The following NALCN variants were observed in gnomAD, a reference collection of about 807,000 sequenced individuals.
NALCN encodes the protein sodium leak channel, non-selective.
NALCN carries 111 observed loss-of-function variants against 225.3 expected under a neutral mutation model. The ratio of observed to expected loss-of-function variants is 0.49; its 90% CI spans 0.42 to 0.58. NALCN has a LOEUF of 0.58. Ranked by LOEUF, NALCN falls within the 20% of genes least tolerant of loss-of-function variation. NALCN has a pLI of 0.00. For synonymous variants in NALCN, 764 were observed against 769.0 expected, an observed-to-expected ratio of 0.99 and a Z score of 0.11; for missense variants, 1,378 against 2,202.4, an observed-to-expected ratio of 0.63 and a Z score of 7.49.
intron 18 of NALCN, among the ~76,000 whole-genome samples, chr13:101,120,706 G>T (rs899014951): frequency 6.6e-6 from 1 of 152,160 alleles, no homozygotes; most frequent in Non-Finnish European, 1.5e-5. Flanking sequence ...AATGAAAATA[G>T]AAGGGCAAAC....
At chr13:101,283,821 A>G (rs1292940701) in intron 10 of NALCN, 112 bp downstream of exon 10, 1 of 906,552 alleles carries the variant, frequency 1.1e-6, no homozygotes, top group African/African-American at 1.7e-5. Context: ...CTCTAACTTC[A>G]GGATTTTAAA....
intron 39 of NALCN, 85 bp downstream of exon 39, chr13:101,067,833 G>A: frequency 1.1e-6 from 1 of 928,286 alleles, no homozygotes; most frequent in Non-Finnish European, 1.7e-6. Flanking sequence ...TGTGTCATTT[G>A]CCAACCTGAA....
At chr13:101,102,918 A>G (rs1414921820) in intron 26 of NALCN, among the ~76,000 whole-genome samples, 3 of 152,190 alleles carry the variant, frequency 2.0e-5, no homozygotes, top group Admixed American at 1.3e-4. Context: ...GTTAGTACCG[A>G]AAGAGTCAGC....
chr13:101,169,754 T>C (rs2038626436), intron 15 of NALCN, among the ~76,000 whole-genome samples: 1 of 152,238 alleles, frequency 6.6e-6, no homozygotes, highest in Non-Finnish European at 1.5e-5. Flanking sequence ...TGTGTGGACT[T>C]GGGTGAGAAA....
chr13:101,386,178 T>C (rs1159317322), intron 3 of NALCN, among the ~76,000 whole-genome samples: 1 of 152,226 alleles, frequency 6.6e-6, no homozygotes. Context: ...GGTTGACTTG[T>C]ATAGGTATTA....
chr13:101,372,857 AG>A (rs1939218131), intron 6 of NALCN, among the ~76,000 whole-genome samples: 1 of 152,152 alleles, frequency 6.6e-6, no homozygotes. Context: ...CATGAAAAAC[AG>A]ACTAACAATA....
intron 9 of NALCN, among the ~76,000 whole-genome samples, chr13:101,287,628 T>C (rs2043388331): frequency 6.6e-6 from 1 of 152,206 alleles, no homozygotes; most frequent in Non-Finnish European, 1.5e-5. Context: ...TGTAAGAAGA[T>C]GTTCTGAATT....
intron 10 of NALCN, among the ~76,000 whole-genome samples, chr13:101,272,142 G>C (rs532007715): frequency 2.4e-4 from 37 of 152,072 alleles, no homozygotes; most frequent in Non-Finnish European, 4.7e-4. Context: ...GTGTGTGTGC[G>C]TGTGAGCATG....
At chr13:101,169,000 G>A (rs1006365172) in intron 15 of NALCN, among the ~76,000 whole-genome samples, 3 of 152,102 alleles carry the variant, frequency 2.0e-5, no homozygotes, top group Admixed American at 2.0e-4. Context: ...GTCTGCACCT[G>A]CTTGTGAGAA....
chr13:101,239,907 C>G (rs2041696810), intron 11 of NALCN, among the ~76,000 whole-genome samples: 1 of 152,024 alleles, frequency 6.6e-6, no homozygotes, highest in African/African-American at 2.4e-5. Flanking sequence ...TCAGTGTAAT[C>G]AAACTTATTG....
intron 13 of NALCN, among the ~76,000 whole-genome samples, chr13:101,215,478 G>A (rs1325845723): frequency 6.6e-6 from 1 of 152,078 alleles, no homozygotes; most frequent in African/African-American, 2.4e-5. Flanking sequence ...ATATAACTGT[G>A]CTCTCAGCTC....
intron 3 of NALCN, among the ~76,000 whole-genome samples, chr13:101,387,447 AACTT>A: frequency 6.6e-6 from 1 of 152,304 alleles, no homozygotes; most frequent in East Asian, 1.9e-4. Flanking sequence ...ACAATGTGAA[AACTT>A]ACTATGAAAA....
chr13:101,358,473 T>G (rs768890730), intron 6 of NALCN, among the ~76,000 whole-genome samples: 1 of 152,024 alleles, frequency 6.6e-6, no homozygotes, highest in Non-Finnish European at 1.5e-5. Flanking sequence ...ACTAGGGAAA[T>G]GCAAACCAAA....
intron 11 of NALCN, among the ~76,000 whole-genome samples, chr13:101,252,952 C>G (rs1404361608): frequency 1.3e-5 from 2 of 151,974 alleles, no homozygotes; most frequent in Admixed American, 6.5e-5. Context: ...GTTAAATGTA[C>G]AGTCTAATGG....
In NALCN at chr13:101,245,435, T is replaced by G. The variant is rs4492916; in HGVS notation, c.1267-7513A>C. 1.0e-3 allele frequency among the ~76,000 whole-genome samples: 156 copies of G among 152,072 alleles called. 1 individual carries two copies. The highest frequency in any genetic ancestry group is 0.01 in the Middle Eastern group (3 of 294). ...AAATCACCTCTTCTAAGAAGTCTTT[T>G]AGAGATTTTGTTCTTAATCACCACC... On this transcript the variant is annotated intron_variant, in intron 11 of 43. Transcript: ENST00000251127.
intron 7 of NALCN, among the ~76,000 whole-genome samples, chr13:101,334,009 C>A (rs1415822167): frequency 1.3e-5 from 2 of 152,040 alleles, no homozygotes; most frequent in Non-Finnish European, 2.9e-5. Context: ...GGCAATCTAT[C>A]AAATATAAAA....
intron 13 of NALCN, among the ~76,000 whole-genome samples, chr13:101,214,562 GAAATTCTGGAT>G (rs1474482311): frequency 7.9e-5 from 12 of 152,072 alleles, no homozygotes; most frequent in Admixed American, 5.9e-4. Flanking sequence ...AAAACCCCAG[GAAATTCTGGAT>G]AAAATGCAAA....
chr13:101,219,244 C>T (rs963630726), intron 13 of NALCN, among the ~76,000 whole-genome samples: 2 of 152,138 alleles, frequency 1.3e-5, no homozygotes, highest in Non-Finnish European at 2.9e-5. Flanking sequence ...CAACTGGAAT[C>T]AAGTTTTCTG....
At chr13:101,301,561 A>G (rs2043969065) in intron 7 of NALCN, among the ~76,000 whole-genome samples, 1 of 151,954 alleles carries the variant, frequency 6.6e-6, no homozygotes. Flanking sequence ...TCTCTACTAA[A>G]AATACAAAAA....
Sources: gnomAD v4.1 joint callset for allele counts (sites outside exome capture counted in the v4.1 genomes callset) on GRCh38, gnomAD v4.1.1 for gene constraint, MANE v1.5 for transcripts, NCBI Gene and HGNC (gene_info 2026-07-23, HGNC 2026-07-21) for gene names.